Variants in SLC6A16 observed in about 807,000 individuals in gnomAD.
SLC6A16 encodes orphan sodium- and chloride-dependent neurotransmitter transporter NTT5.
A neutral mutation model predicts 65.4 loss-of-function variants in SLC6A16; 54 were observed. That is an observed-to-expected ratio of 0.83 (90% CI 0.66 to 1.04). The LOEUF is 1.04. Ranked by LOEUF, SLC6A16 falls within the 50% of genes least tolerant of loss-of-function variation. The probability of loss-of-function intolerance (pLI) is 0.00; values close to 1 mark genes in which losing one functional copy is unlikely to be tolerated. For missense variants in SLC6A16, 816 were observed against 914.0 expected, an observed-to-expected ratio of 0.89 and a Z score of 1.38; for synonymous variants, 330 against 346.5, an observed-to-expected ratio of 0.95 and a Z score of 0.53.
At chr19:49,320,947 T>C (rs968969078) in intron 1 of SLC6A16, among the ~76,000 whole-genome samples, 14 of 152,202 alleles carry the variant, frequency 9.2e-5, no homozygotes, top group African/African-American at 3.4e-4. Flanking sequence ...AATGAATTAA[T>C]ATCAATCCTT....
chr19:49,317,229 T>A (rs1358690226), intron 1 of SLC6A16, among the ~76,000 whole-genome samples: 3 of 151,984 alleles, frequency 2.0e-5, no homozygotes, highest in Non-Finnish European at 4.4e-5. Context: ...TAGCCCCAGC[T>A]ACTCGGAAGG....
At chr19:49,337,084 CA>C in the SLC6A16 span, 1 of 1,614,010 alleles carries the variant, frequency 6.2e-7, no homozygotes, top group Non-Finnish European at 8.5e-7. Context: ...TCCCCACCCT[CA>C]AAAATGGCCT....
the SLC6A16 span, among the ~76,000 whole-genome samples, chr19:49,332,920 G>A: frequency 6.6e-6 from 1 of 152,130 alleles, no homozygotes; most frequent in East Asian, 1.9e-4. Flanking sequence ...TCAGCACTTT[G>A]GGAGGCCAAG....
intron 7 of SLC6A16, among the ~76,000 whole-genome samples, chr19:49,299,371 T>C (rs990485192): frequency 1.3e-5 from 2 of 149,554 alleles, no homozygotes; most frequent in Non-Finnish European, 3.0e-5. Context: ...CTGAGCAACA[T>C]GAGGAAACTC....
the SLC6A16 span, chr19:49,332,185 T>C: frequency 2.2e-6 from 1 of 456,740 alleles, no homozygotes; most frequent in Admixed American, 2.3e-5. Context: ...GGCTTGTGGC[T>C]GTAGAACTCC....
chr19:49,332,122 G>C, the SLC6A16 span: 1 of 456,518 alleles, frequency 2.2e-6, no homozygotes, highest in Non-Finnish European at 4.4e-6. Context: ...GAGGCTCTGA[G>C]AGAAAATCAG....
At chr19:49,306,691 T>A (rs940590438) in intron 7 of SLC6A16, among the ~76,000 whole-genome samples, 3 of 151,974 alleles carry the variant, frequency 2.0e-5, no homozygotes, top group Admixed American at 6.6e-5. Context: ...TACAGGTGTG[T>A]GCCACCACGC....
chr19:49,301,421 A>G (rs1300711549), intron 7 of SLC6A16, among the ~76,000 whole-genome samples: 3 of 152,328 alleles, frequency 2.0e-5, no homozygotes, highest in East Asian at 3.9e-4. Flanking sequence ...TGTCAGTATC[A>G]GCCATGCTGG....
At chr19:49,310,645 C>CA in intron 2 of SLC6A16, 135 bp from the exon 3 acceptor site, 1 of 952,374 alleles carries the variant, frequency 1.1e-6, no homozygotes, top group Non-Finnish European at 1.6e-6. Flanking sequence ...CCCATGTCTA[C>CA]ATCCCTCACG....
At chr19:49,294,678 GC>G in intron 7 of SLC6A16, 125 bp from the exon 8 acceptor site, 1 of 894,482 alleles carries the variant, frequency 1.1e-6, no homozygotes. Flanking sequence ...GTAAGATAGA[GC>G]CTGGGATGAA....
Position 49,309,391 on chromosome 19 carries a change from C to T in SLC6A16, c.897G>A (p.Leu299=), listed in dbSNP as rs1183428617. Residue 299 remains leucine, a synonymous_variant, in exon 6 of 12, where the codon CTG becomes CTA. Transcript: ENST00000335875. ...AACCGACAATGATGAAACAGGGGAGCAGTACCAAGACATAGATTACCTGAA... is the reference window on the plus strand; with the variant it reads ...AACCGACAATGATGAAACAGGGGAGTAGTACCAAGACATAGATTACCTGAA... ...STGKVIYVLV[L]LPCFIIVGFF... 6.2e-7 allele frequency: 1 copy of T among 1,613,792 alleles called. No individual in the cohort carries two copies. The highest frequency in any genetic ancestry group is 2.2e-5 in the East Asian group (1 of 44,886).
At chr19:49,314,661 C>A (rs1039728196) in intron 1 of SLC6A16, among the ~76,000 whole-genome samples, 5 of 152,122 alleles carry the variant, frequency 3.3e-5, no homozygotes, top group Admixed American at 3.3e-4. Flanking sequence ...TTACACACTA[C>A]CTAAACCAAT....
chr19:49,333,531 C>T, the SLC6A16 span, among the ~76,000 whole-genome samples: 4 of 152,272 alleles, frequency 2.6e-5, no homozygotes, highest in South Asian at 8.3e-4. Flanking sequence ...CGTTTGGATA[C>T]AGAACTGTGT....
chr19:49,336,023 G>A, the SLC6A16 span: 2 of 574,134 alleles, frequency 3.5e-6, no homozygotes, highest in East Asian at 5.7e-5. Flanking sequence ...GTCGGGACTT[G>A]TGGCTGGTCA....
Position 49,294,483 on chromosome 19 carries a change from G to A in SLC6A16, c.1300C>T (p.Leu434=). The A allele has an allele frequency of 6.2e-7, 1 of 1,613,992 alleles. No homozygotes were observed. Among genetic ancestry groups the A allele is most frequent in the Non-Finnish European group, 8.5e-7 (1 of 1,180,008 alleles). The part of the protein sequence containing the change: ...LPPDAKPPVN[L]LYNPTSIYNA... ...TAGATGGAGGTTGGGTTGTAAAGCA[G>A]GTTGACAGGGGGCTTGGCATCAGGA... Residue 434 remains leucine (L), a synonymous_variant, in exon 8 of 12, where the codon CTG becomes TTG. Transcript: ENST00000335875.
intron 7 of SLC6A16, among the ~76,000 whole-genome samples, chr19:49,303,143 C>T (rs1445932889): frequency 6.6e-6 from 1 of 152,116 alleles, no homozygotes; most frequent in Non-Finnish European, 1.5e-5. Flanking sequence ...TAAAATTCAA[C>T]CCAAAGAAGA....
chr19:49,337,698 GAAC>G, the SLC6A16 span: 1 of 1,532,186 alleles, frequency 6.5e-7, no homozygotes, highest in South Asian at 1.2e-5. Context: ...GAAAAAGAGA[GAAC>G]AAGAGAAAGA....
chr19:49,307,761 A>C (rs1279931079), intron 7 of SLC6A16, among the ~76,000 whole-genome samples: 1 of 151,654 alleles, frequency 6.6e-6, no homozygotes, highest in Non-Finnish European at 1.5e-5. Context: ...AAAAGAAAAA[A>C]AAAAGATTAC....
the SLC6A16 span, chr19:49,339,809 G>A: frequency 4.5e-6 from 6 of 1,348,248 alleles, no homozygotes; most frequent in Non-Finnish European, 5.7e-6. This position sits in a 1 kb window ranked among gnomAD's most constrained non-coding sequence, Gnocchi z 4.5. Flanking sequence ...TGGGGTGGCT[G>A]GGGCATGGCG....
Sources: gnomAD v4.1 joint callset for allele counts (sites outside exome capture counted in the v4.1 genomes callset) on GRCh38, gnomAD v4.1.1 for gene constraint, Gnocchi (gnomAD v3.1) non-coding constraint, MANE v1.5 for transcripts, NCBI Gene and HGNC (gene_info 2026-07-23, HGNC 2026-07-21) for gene names.